Variants in RAB2A observed in about 807,000 individuals in gnomAD.
RAB2A encodes ras-related protein Rab-2A.
RAB2A carries 7 observed loss-of-function variants against 32.5 expected under a neutral mutation model. The ratio of observed to expected loss-of-function variants is 0.22; its 90% CI spans 0.12 to 0.40. The LOEUF (loss-of-function observed/expected upper bound fraction) is 0.40. RAB2A is among the 10% of genes least tolerant of loss of function. The pLI, the probability that RAB2A is intolerant of heterozygous loss-of-function variation, is 1.00. For missense variants in RAB2A, 108 were observed against 260.7 expected, an observed-to-expected ratio of 0.41 and a Z score of 4.03; for synonymous variants, 79 against 85.2, an observed-to-expected ratio of 0.93 and a Z score of 0.40.
At chr8:60,536,665 C>A (rs897077574) in intron 1 of RAB2A, among the ~76,000 whole-genome samples, 1 of 152,184 alleles carries the variant, frequency 6.6e-6, no homozygotes, top group Non-Finnish European at 1.5e-5. Context: ...AAAAACATTT[C>A]TCTTTATTAG....
chr8:60,537,346 CA>C (rs1807573872), intron 1 of RAB2A, among the ~76,000 whole-genome samples: 1 of 152,038 alleles, frequency 6.6e-6, no homozygotes, highest in Non-Finnish European at 1.5e-5. Flanking sequence ...CCCAGCCTCC[CA>C]AGTAGCTGGG....
chr8:60,570,558 C>G (rs1244918997), intron 2 of RAB2A, among the ~76,000 whole-genome samples: 2 of 152,042 alleles, frequency 1.3e-5, no homozygotes, highest in African/African-American at 4.8e-5. Flanking sequence ...CATATAGATA[C>G]ATTATGAATC....
At chr8:60,617,985 T>C (rs1353354780) in intron 6 of RAB2A, among the ~76,000 whole-genome samples, 1 of 152,266 alleles carries the variant, frequency 6.6e-6, no homozygotes, top group Non-Finnish European at 1.5e-5. Flanking sequence ...TGTGGCGTTT[T>C]GTGTCTGCCT....
intron 6 of RAB2A, among the ~76,000 whole-genome samples, chr8:60,595,652 A>G (rs1255351634): frequency 6.6e-6 from 1 of 152,226 alleles, no homozygotes; most frequent in Non-Finnish European, 1.5e-5. Context: ...ACATTATATA[A>G]TGATAAAAGA....
At chr8:60,571,991 A>C in intron 2 of RAB2A, 55 bp from the exon 3 acceptor site, 1 of 1,288,650 alleles carries the variant, frequency 7.8e-7, no homozygotes, top group Non-Finnish European at 1.1e-6. Flanking sequence ...TTAATCCTTG[A>C]AAGTGAGATA....
chr8:60,520,418 T>C (rs953202517), intron 1 of RAB2A, among the ~76,000 whole-genome samples: 3 of 152,142 alleles, frequency 2.0e-5, no homozygotes, highest in African/African-American at 7.2e-5. Context: ...AGAGAAAAAA[T>C]ACGAATCTAT....
chr8:60,559,038 T>C lies in RAB2A; in HGVS notation c.118+115T>C, dbSNP rs968137877. 4 of 721,370 alleles carry C rather than the reference T, an allele frequency of 5.5e-6. No homozygotes were observed. In the Middle Eastern group the frequency reaches 1.2e-3, roughly 212 times the overall value. 44.7% of individuals were successfully genotyped at this position (721,370 alleles called of 1,614,324 possible). On this transcript the variant is annotated intron_variant, in intron 2 of 7. Coordinates refer to ENST00000262646, the MANE Select transcript of RAB2A (RefSeq NM_002865.3). ...CTAAAATCAGTGAAACTGGATTTGT[T>C]GTTACGCTGTTTAATCTCTGTCACT... is the stretch of plus-strand genomic sequence containing the variant.
intron 6 of RAB2A, among the ~76,000 whole-genome samples, chr8:60,597,605 A>T (rs1402200145): frequency 6.6e-6 from 1 of 152,214 alleles, no homozygotes; most frequent in African/African-American, 2.4e-5. Flanking sequence ...AAAGAAAAGA[A>T]GTCTCAAAAT....
In RAB2A at chr8:60,623,231, T is replaced by C. The variant is rs1309027301; in HGVS notation, c.*2462T>C. On this transcript the variant is annotated 3_prime_UTR_variant, in exon 8 of 8. Coordinates refer to ENST00000262646, the MANE Select transcript of RAB2A (RefSeq NM_002865.3). Reference sequence around the variant, plus strand: ...TTAGATATACAACTGAAACAGGATATACAACTGCATACAATTTGTTTTTAA... The same window carrying C: ...TTAGATATACAACTGAAACAGGATACACAACTGCATACAATTTGTTTTTAA... 6.6e-6 allele frequency: 1 copy of C among 152,242 alleles called. No homozygotes were observed. The highest frequency in any genetic ancestry group is 2.4e-5 in the African/African-American group (1 of 41,458). 9.4% of individuals were successfully genotyped at this position (152,242 alleles called of 1,614,324 possible).
intron 6 of RAB2A, among the ~76,000 whole-genome samples, chr8:60,617,269 C>CAGT (rs1804462301): frequency 2.0e-5 from 3 of 152,076 alleles, no homozygotes; most frequent in Admixed American, 2.0e-4. Flanking sequence ...AGTATTTCAA[C>CAGT]AGTAGTTTTT....
At chr8:60,548,794 C>T (rs1334495252) in intron 1 of RAB2A, among the ~76,000 whole-genome samples, 74 of 137,688 alleles carry the variant, frequency 5.4e-4, no homozygotes, top group African/African-American at 1.5e-3. Flanking sequence ...CCCTCCCAGA[C>T]GGGGCGGCTG....
chr8:60,570,952 G>C (rs1673335464), intron 2 of RAB2A, among the ~76,000 whole-genome samples: 1 of 152,100 alleles, frequency 6.6e-6, no homozygotes, highest in African/African-American at 2.4e-5. Context: ...TTGGTTTCTG[G>C]GGACCATGTG....
intron 1 of RAB2A, among the ~76,000 whole-genome samples, chr8:60,518,642 G>T (rs1807252554): frequency 7.2e-6 from 1 of 138,012 alleles, no homozygotes; most frequent in Non-Finnish European, 1.5e-5. Context: ...ATTGCTGCCT[G>T]AAAGAAAAAA....
intron 1 of RAB2A, among the ~76,000 whole-genome samples, chr8:60,557,064 T>A (rs1807950219): frequency 6.6e-6 from 1 of 152,226 alleles, no homozygotes; most frequent in Admixed American, 6.5e-5. Flanking sequence ...ACTGTTCTTT[T>A]GTCTTCTGTC....
intron 1 of RAB2A, among the ~76,000 whole-genome samples, chr8:60,535,834 T>A (rs1390211706): frequency 6.6e-6 from 1 of 152,206 alleles, no homozygotes; most frequent in Non-Finnish European, 1.5e-5. Flanking sequence ...TGTCTCTTGA[T>A]GGTCCTTGAT....
In RAB2A at chr8:60,523,752, G is replaced by A. The variant is rs189870541; in HGVS notation, c.46+6499G>A. 5.1e-3 allele frequency among the ~76,000 whole-genome samples: 764 copies of A among 148,724 alleles called. 8 individuals carry two copies. Among genetic ancestry groups the A allele is most frequent in the African/African-American group, 0.017 (682 of 40,196 alleles). On this transcript the variant is annotated intron_variant, in intron 1 of 7. Coordinates refer to ENST00000262646, the MANE Select transcript of RAB2A (RefSeq NM_002865.3). The stretch of plus-strand genomic sequence containing the variant: ...GTCGCCCAGGCTAGAGTGCAGTGGC[G>A]CGATCTCGGCTCACTGCAAGCTCCG...
At chr8:60,531,614 A>G (rs1807477012) in intron 1 of RAB2A, among the ~76,000 whole-genome samples, 1 of 152,158 alleles carries the variant, frequency 6.6e-6, no homozygotes, top group Non-Finnish European at 1.5e-5. Flanking sequence ...TGTGCTGATC[A>G]TGTGTTAACC....
At chr8:60,558,094 G>T (rs1284010481) in intron 1 of RAB2A, among the ~76,000 whole-genome samples, 1 of 152,148 alleles carries the variant, frequency 6.6e-6, no homozygotes, top group Non-Finnish European at 1.5e-5. Context: ...GTAAGTGAGT[G>T]AATGAATGAA....
At position 60,576,971 on chromosome 8, in the gene RAB2A, C is replaced by T. The variant is rs944268786; in HGVS notation, c.186+4858C>T. Among the ~76,000 whole-genome samples the T allele has an allele frequency of 5.3e-5, 8 of 152,322 alleles. No homozygotes were observed. The South Asian group carries it at 1.0e-3, about 20-fold the overall frequency. Reference sequence around the variant, plus strand: ...TTGTACTTTAGTGATTACCTCCCACCTGTGGTCTCCAGTTTTTCTTACGTG... The same window carrying T: ...TTGTACTTTAGTGATTACCTCCCACTTGTGGTCTCCAGTTTTTCTTACGTG... On this transcript the variant is annotated intron_variant, in intron 3 of 7. Transcript: ENST00000262646.
Sources: gnomAD v4.1 joint callset for allele counts (sites outside exome capture counted in the v4.1 genomes callset) on GRCh38, gnomAD v4.1.1 for gene constraint, MANE v1.5 for transcripts, NCBI Gene and HGNC (gene_info 2026-07-23, HGNC 2026-07-21) for gene names.